UBE3A: variants seen among roughly 807,000 people sequenced by gnomAD.
UBE3A encodes the protein ubiquitin protein ligase E3A.
Under a neutral mutation model 83.4 loss-of-function variants are expected in UBE3A, and 6 were observed. The observed-to-expected ratio is 0.07, with a 90% CI of 0.04 to 0.14. The LOEUF (loss-of-function observed/expected upper bound fraction) is 0.14, where lower values mean the gene tolerates loss of function less well. UBE3A is among the 10% of genes least tolerant of loss of function. The pLI is 1.00. For missense variants in UBE3A, 456 were observed against 1,036.1 expected, an observed-to-expected ratio of 0.44 and a Z score of 7.69; for synonymous variants, 337 against 355.4, an observed-to-expected ratio of 0.95 and a Z score of 0.58.
chr15:25,353,980 C>G (rs1449600973), intron 11 of UBE3A: 1 of 264,208 alleles, frequency 3.8e-6, no homozygotes, highest in Non-Finnish European at 7.3e-6. Flanking sequence ...AGTGCTTGAT[C>G]CTGGGAAGCC....
intron 11 of UBE3A, among the ~76,000 whole-genome samples, chr15:25,341,031 A>G (rs982267861): frequency 6.6e-6 from 1 of 152,234 alleles, no homozygotes; most frequent in African/African-American, 2.4e-5. Context: ...TTGAATAATC[A>G]GGCATCTATA....
intron 1 of UBE3A, among the ~76,000 whole-genome samples, chr15:25,412,710 C>A (rs146090553): frequency 6.7e-6 from 1 of 150,156 alleles, no homozygotes; most frequent in Non-Finnish European, 1.5e-5. Flanking sequence ...ATAAAGAAAG[C>A]AAATCTCAAA....
At chr15:25,398,820 T>TATATATAC (rs2086379411) in intron 4 of UBE3A, among the ~76,000 whole-genome samples, 4 of 127,146 alleles carry the variant, frequency 3.1e-5, no homozygotes. Flanking sequence ...TATATAAAAA[T>TATATATAC]ACATATATAT....
At chr15:25,425,387 C>A (rs1362510737) in intron 1 of UBE3A, among the ~76,000 whole-genome samples, 3 of 152,082 alleles carry the variant, frequency 2.0e-5, no homozygotes, top group Admixed American at 2.0e-4. Context: ...GTGGTGATGG[C>A]TGCAGAACTG....
At position 25,339,263 on chromosome 15, in the gene UBE3A, T is replaced by C. The variant is rs925559099; in HGVS notation, c.2499-6A>G. ...AAGTATGAGATGTAGGTAACCTAAA[T>C]AGAGAAAAGGGGAAAAAAACAGGAA... On this transcript the variant is annotated splice_region_variant and splice_polypyrimidine_tract_variant and intron_variant, in intron 12 of 12. Coordinates refer to ENST00000648336, the MANE Select transcript of UBE3A (RefSeq NM_130839.5). The C allele has an allele frequency of 1.2e-5, 20 of 1,611,324 alleles. No homozygotes were observed. Among genetic ancestry groups the C allele is most frequent in the East Asian group, 4.5e-5 (2 of 44,750 alleles).
At chr15:25,412,253 G>A (rs2090136092) in intron 1 of UBE3A, among the ~76,000 whole-genome samples, 1 of 152,078 alleles carries the variant, frequency 6.6e-6, no homozygotes, top group African/African-American at 2.4e-5. Flanking sequence ...CCCTCCAAAA[G>A]GGCTAAACAC....
chr15:25,378,833 C>T (rs555498673), intron 4 of UBE3A, among the ~76,000 whole-genome samples: 1 of 152,286 alleles, frequency 6.6e-6, no homozygotes, highest in East Asian at 1.9e-4. Flanking sequence ...ATTTATGCAT[C>T]TATCTGGTAC....
chr15:25,417,479 C>A (rs542510350), intron 1 of UBE3A, among the ~76,000 whole-genome samples: 455 of 151,842 alleles, frequency 3.0e-3, no homozygotes, highest in Non-Finnish European at 4.7e-3. Flanking sequence ...GAAAATACAA[C>A]CCATGACCAA....
chr15:25,425,556 T>C (rs1010465102), intron 1 of UBE3A, among the ~76,000 whole-genome samples: 3 of 152,188 alleles, frequency 2.0e-5, no homozygotes, highest in Admixed American at 1.3e-4. Flanking sequence ...TCAGTACTTT[T>C]ACAGCTATCT....
Position 25,338,981 on chromosome 15 carries a change from G to T in UBE3A, c.*156C>A. On this transcript the variant is annotated 3_prime_UTR_variant, in exon 13 of 13. Coordinates refer to ENST00000648336, the MANE Select transcript of UBE3A (RefSeq NM_130839.5). ...GTCCCCAATAAAGAAGGGAGGCACA[G>T]ACATAGGTGACTACTGTGGTTGACT... is the stretch of plus-strand genomic sequence containing the variant. The T allele has an allele frequency of 1.4e-6, 1 of 720,872 alleles. No individual in the cohort carries two copies. Among genetic ancestry groups the T allele is most frequent in the Non-Finnish European group, 2.0e-6 (1 of 489,288 alleles). 44.7% of individuals were successfully genotyped at this position (720,872 alleles called of 1,614,324 possible). A position where few individuals can be genotyped will look rare whatever the true frequency, so the allele number is the denominator to read the frequency against.
intron 4 of UBE3A, among the ~76,000 whole-genome samples, chr15:25,381,314 G>T (rs531444702): frequency 6.6e-6 from 1 of 152,108 alleles, no homozygotes; most frequent in South Asian, 2.1e-4. Flanking sequence ...TATAAGCAAT[G>T]AATACAAGCA....
rs2074126436 is a variant in UBE3A at position 25,338,179 on chromosome 15, T to TA, written c.*957dup. ...AAAATCTAGGTAATAAGTAAGTAAT[T>TA]AATAAAAACTCTATCTTAAGTGCAC... On this transcript the variant is annotated 3_prime_UTR_variant, in exon 13 of 13. Transcript: ENST00000648336. 6.6e-6 allele frequency: 1 copy of TA among 152,096 alleles called. No individual in the cohort carries two copies. Among genetic ancestry groups the TA allele is most frequent in the African/African-American group, 2.4e-5 (1 of 41,438 alleles). 9.4% of individuals were successfully genotyped at this position (152,096 alleles called of 1,614,324 possible). A position where few individuals can be genotyped will look rare whatever the true frequency, so the allele number is the denominator to read the frequency against.
intron 4 of UBE3A, among the ~76,000 whole-genome samples, chr15:25,390,962 A>G (rs1374787152): frequency 6.6e-6 from 1 of 152,092 alleles, no homozygotes; most frequent in Non-Finnish European, 1.5e-5. Context: ...AATCTAAAAA[A>G]AAATAGAATA....
chr15:25,358,310 T>C (rs1192098753), intron 7 of UBE3A, among the ~76,000 whole-genome samples: 1 of 151,188 alleles, frequency 6.6e-6, no homozygotes, highest in Non-Finnish European at 1.5e-5. Context: ...GCCTGGGAGG[T>C]GGAGGTTGCA....
At chr15:25,402,425 C>T (rs2087376506) in intron 4 of UBE3A, among the ~76,000 whole-genome samples, 1 of 152,208 alleles carries the variant, frequency 6.6e-6, no homozygotes, top group Admixed American at 6.5e-5. Flanking sequence ...TGGCCAAGTA[C>T]TGGGTTTGGA....
rs1020642488 is a variant in UBE3A at position 25,438,675 on chromosome 15, C to T, written c.-351G>A. 1 of 152,606 alleles carries T rather than the reference C, an allele frequency of 6.6e-6. No individual in the cohort carries two copies. Among genetic ancestry groups the T allele is most frequent in the Non-Finnish European group, 1.5e-5 (1 of 68,320 alleles). The allele number at this position is 152,606 out of a possible 1,614,324, so 9.5% of individuals were successfully genotyped here. On this transcript the variant is annotated 5_prime_UTR_variant, in exon 1 of 13. Coordinates refer to ENST00000648336, the MANE Select transcript of UBE3A (RefSeq NM_130839.5). ...AGGGAGCGCCGGGGCCGCCGAAATC[C>T]CGGCGTTCGTCGCCAGCCGCCGCTG...
At position 25,428,688 on chromosome 15, in the gene UBE3A, A is replaced by G. The variant is rs369465327; in HGVS notation, c.-165+9801T>C. On this transcript the variant is annotated intron_variant, in intron 1 of 12. Transcript: ENST00000648336. ...ACCTACGATTCAGAATAATCAAGCA[A>G]CTGTAAATTAAAATGAGATAGCATT... 1.5e-4 allele frequency among the ~76,000 whole-genome samples: 23 copies of G among 152,300 alleles called. No homozygotes were observed. In the East Asian group the frequency reaches 4.0e-3, roughly 27 times the overall value.
At chr15:25,435,855 C>T (rs1209735870) in intron 1 of UBE3A, among the ~76,000 whole-genome samples, 2 of 152,108 alleles carry the variant, frequency 1.3e-5, no homozygotes, top group Non-Finnish European at 2.9e-5. Flanking sequence ...AAATAAACAA[C>T]ATAAAGGATA....
chr15:25,344,875 T>A (rs1051923921), intron 11 of UBE3A, among the ~76,000 whole-genome samples: 6 of 152,110 alleles, frequency 3.9e-5, no homozygotes, highest in Admixed American at 1.3e-4. Flanking sequence ...ATTAAGGTAA[T>A]GATACTGATA....
Sources: allele counts gnomAD v4.1 joint callset (sites outside exome capture counted in the v4.1 genomes callset), GRCh38; gene constraint gnomAD v4.1.1; transcripts MANE v1.5; gene names NCBI Gene and HGNC (gene_info 2026-07-23, HGNC 2026-07-21).